The following CHN1 variants were observed in gnomAD, a reference collection of about 807,000 sequenced individuals.
The protein encoded by CHN1 is chimerin 1, also known as N-chimaerin.
In CHN1, 37 loss-of-function variants were observed where a neutral mutation model predicts 59.5. The ratio of observed to expected loss-of-function variants is 0.62; its 90% CI spans 0.48 to 0.82. The LOEUF is 0.82. Ranked by LOEUF, CHN1 falls within the 40% of genes least tolerant of loss-of-function variation. The pLI is 0.00. For missense variants in CHN1, 469 were observed against 571.0 expected (o/e 0.82, Z 1.82); for synonymous variants, 206 against 200.4 (o/e 1.03, Z -0.24).
At chr2:174,995,883 AACCCTTATTTT>A (rs1343869716) in intron 1 of CHN1, among the ~76,000 whole-genome samples, 2 of 152,210 alleles carry the variant, frequency 1.3e-5, no homozygotes, top group African/African-American at 2.4e-5. Flanking sequence ...ATGTTCAAAT[AACCCTTATTTT>A]ACTTAACAGT....
At chr2:174,829,699 A>G (rs1685806264) in intron 7 of CHN1, among the ~76,000 whole-genome samples, 1 of 152,212 alleles carries the variant, frequency 6.6e-6, no homozygotes, top group Non-Finnish European at 1.5e-5. Flanking sequence ...ACGGGAAATA[A>G]AATTTTGCTT....
chr2:174,907,358 A>G (rs896991276), intron 5 of CHN1, among the ~76,000 whole-genome samples: 8 of 152,108 alleles, frequency 5.3e-5, no homozygotes, highest in African/African-American at 1.9e-4. Context: ...TCTCCTCTCC[A>G]TGCCAGAGAC....
Position 174,891,864 on chromosome 2 carries a change from T to C in CHN1, c.261-13736A>G, listed in dbSNP as rs13417563. 2.3e-3 allele frequency among the ~76,000 whole-genome samples: 349 copies of C among 151,708 alleles called. 4 individuals are homozygous for C. The highest frequency in any genetic ancestry group is 7.5e-3 in the African/African-American group (310 of 41,362). On this transcript the variant is annotated intron_variant, in intron 5 of 12. Coordinates refer to ENST00000409900, the MANE Select transcript of CHN1 (RefSeq NM_001822.7). Reference sequence around the variant, plus strand: ...TAGTTTTTTAAAAAGATCAACAAAATTGACAAGCCATTAAGAAAAATATAG... The same window carrying C: ...TAGTTTTTTAAAAAGATCAACAAAACTGACAAGCCATTAAGAAAAATATAG...
intron 2 of CHN1, 38 bp downstream of exon 2, chr2:174,952,126 T>G (rs780830407): frequency 8.2e-7 from 1 of 1,220,710 alleles, no homozygotes; most frequent in African/African-American, 1.6e-5. Flanking sequence ...ATATTACTTA[T>G]AAAGCACTAT....
chr2:174,923,703 C>A lies in CHN1; in HGVS notation c.115-5138G>T, dbSNP rs1689082611. ...CTGCAAATGGTGTGGCAATCCATTA[C>A]ATTTCCCAATCCAAGACAAATACTG... On this transcript the variant is annotated intron_variant, in intron 3 of 12. Transcript: ENST00000409900. Among the ~76,000 whole-genome samples the A allele has an allele frequency of 1.3e-5, 2 of 152,172 alleles. 1 individual carries two copies. The highest frequency in any genetic ancestry group is 4.1e-4 in the South Asian group (2 of 4,830).
At chr2:174,920,158 T>C (rs11686079) in intron 3 of CHN1, among the ~76,000 whole-genome samples, 47,871 of 152,006 alleles carry the variant, frequency 0.31, 8,750 homozygotes, top group Admixed American at 0.45. Context: ...CAGTATTCCA[T>C]TGTATACTGA....
At chr2:174,962,055 G>C (rs944264501) in intron 1 of CHN1, among the ~76,000 whole-genome samples, 1 of 152,092 alleles carries the variant, frequency 6.6e-6, no homozygotes, top group Non-Finnish European at 1.5e-5. Context: ...GTTAGGCCGA[G>C]GCAGACAGAT....
intron 8 of CHN1, chr2:174,821,615 T>A: frequency 4.1e-6 from 1 of 241,350 alleles, no homozygotes; most frequent in South Asian, 4.3e-5. Context: ...ACAGAGGGAG[T>A]TGGCCCCTTT....
chr2:174,961,447 C>A (rs1558999570), intron 1 of CHN1, among the ~76,000 whole-genome samples: 2 of 151,372 alleles, frequency 1.3e-5, no homozygotes, highest in Non-Finnish European at 3.0e-5. Flanking sequence ...CAAAATTAGC[C>A]GGGCATGGTT....
chr2:174,896,120 TA>T (rs35763321), intron 5 of CHN1, among the ~76,000 whole-genome samples: 9 of 148,662 alleles, frequency 6.1e-5, no homozygotes, highest in Non-Finnish European at 9.0e-5. Context: ...AATCTAAAAT[TA>T]AAAAAAAAAC....
chr2:174,924,026 A>C (rs1271237351), intron 3 of CHN1, among the ~76,000 whole-genome samples: 2 of 152,160 alleles, frequency 1.3e-5, no homozygotes, highest in African/African-American at 4.8e-5. Context: ...CTAGATAGTA[A>C]AGGGGATCAC....
In CHN1 at chr2:174,999,845, G is replaced by A. The variant is rs529105123; in HGVS notation, c.19+5049C>T. 2.7e-3 allele frequency among the ~76,000 whole-genome samples: 417 copies of A among 152,256 alleles called. 2 individuals carry two copies. The highest frequency in any genetic ancestry group is 4.9e-3 in the Non-Finnish European group (334 of 68,008). On this transcript the variant is annotated intron_variant, in intron 1 of 12. Transcript: ENST00000409900. ...AAGGTTGAGAAAAAGTAATCTAAAA[G>A]AAACTAAAATCTTTATTGACAAATA...
chr2:174,996,426 A>G (rs1336891586), intron 1 of CHN1, among the ~76,000 whole-genome samples: 5 of 152,226 alleles, frequency 3.3e-5, no homozygotes, highest in African/African-American at 1.2e-4. Flanking sequence ...CAATAACGAT[A>G]TAGGTGACAA....
At chr2:174,847,093 A>G (rs951274318) in intron 6 of CHN1, 136 bp from the exon 7 acceptor site, 3 of 1,551,572 alleles carry the variant, frequency 1.9e-6, no homozygotes, top group South Asian at 1.2e-5. Flanking sequence ...CTGCAGCCCT[A>G]TTAGTTTTCC....
intron 1 of CHN1, among the ~76,000 whole-genome samples, chr2:174,967,062 C>T (rs780895254): frequency 6.6e-6 from 1 of 152,026 alleles, no homozygotes; most frequent in Non-Finnish European, 1.5e-5. Flanking sequence ...GTCTAAAATG[C>T]GGCTGGGTGC....
intron 4 of CHN1, among the ~76,000 whole-genome samples, chr2:174,917,421 C>T (rs1042080253): frequency 2.7e-5 from 4 of 150,516 alleles, no homozygotes; most frequent in Middle Eastern, 3.4e-3. Flanking sequence ...GCGACAAAAG[C>T]GAAACTCCAT....
Position 174,842,820 on chromosome 2 carries a change from T to C in CHN1, c.627+4060A>G, listed in dbSNP as rs74945412. Among the ~76,000 whole-genome samples, 755 of 152,334 alleles carry C rather than the reference T, an allele frequency of 5.0e-3. 7 individuals are homozygous for C. The highest frequency in any genetic ancestry group is 0.017 in the African/African-American group (695 of 41,578). On this transcript the variant is annotated intron_variant, in intron 7 of 12. Coordinates refer to ENST00000409900, the MANE Select transcript of CHN1 (RefSeq NM_001822.7). Reference sequence around the variant, plus strand: ...TTATAAGGTTCATGTTACAGTGTTATTTTAATTGCAATATCAATTCACATT... The same window carrying C: ...TTATAAGGTTCATGTTACAGTGTTACTTTAATTGCAATATCAATTCACATT...
Position 174,901,825 on chromosome 2 carries a change from T to C in CHN1, c.260+13233A>G, listed in dbSNP as rs368919999. Among the ~76,000 whole-genome samples, 8 of 152,338 alleles carry C rather than the reference T, an allele frequency of 5.3e-5. 1 individual carries two copies. Among genetic ancestry groups the C allele is most frequent in the African/African-American group, 1.9e-4 (8 of 41,584 alleles). On this transcript the variant is annotated intron_variant, in intron 5 of 12. Coordinates refer to ENST00000409900, the MANE Select transcript of CHN1 (RefSeq NM_001822.7). The stretch of plus-strand genomic sequence containing the variant: ...CACGTGGTAATAAAAACAAAGTTAC[T>C]GATAGACCTACATTTAAATAAGTAA...
At chr2:174,811,427 T>C (rs1685069782) in intron 10 of CHN1, 84 bp downstream of exon 10, 3 of 865,464 alleles carry the variant, frequency 3.5e-6, no homozygotes, top group Non-Finnish European at 5.4e-6. Context: ...AGAAAAATAA[T>C]GCAAAAAATA....
Sources: allele counts gnomAD v4.1 joint callset (sites outside exome capture counted in the v4.1 genomes callset), GRCh38; gene constraint gnomAD v4.1.1; transcripts MANE v1.5; gene names NCBI Gene and HGNC (gene_info 2026-07-23, HGNC 2026-07-21).